Variants in DYSF observed in about 807,000 individuals in gnomAD.
DYSF encodes the protein dysferlin.
Under a neutral mutation model 274.9 loss-of-function variants are expected in DYSF, and 212 were observed. That is an observed-to-expected ratio of 0.77 (90% CI 0.69 to 0.86). DYSF has a LOEUF of 0.86. Among genes scored for constraint, DYSF ranks in the 40% least tolerant of loss-of-function variants. The pLI is 0.00. For synonymous variants in DYSF, 1,091 were observed against 1,078.7 expected (o/e 1.01, Z -0.22); for missense variants, 2,666 against 2,783.2 (o/e 0.96, Z 0.95).
At chr2:71,460,708 G>A (rs1486210778) in intron 1 of DYSF, among the ~76,000 whole-genome samples, 2 of 152,112 alleles carry the variant, frequency 1.3e-5, no homozygotes, top group Non-Finnish European at 1.5e-5. Context: ...GTGTCCAGGG[G>A]TCAGATCACC....
rs777035277 is a variant in DYSF at position 71,679,060 on chromosome 2, C to T, written c.5888C>T (p.Ser1963Phe). ...AAAAACTACCTCTCTGTTGCAGGCTCCCTGCAGCTCGATCTCAACCGCATG... is the reference window on the plus strand; with the variant it reads ...AAAAACTACCTCTCTGTTGCAGGCTTCCTGCAGCTCGATCTCAACCGCATG... ...DKFSFDDFLG[S>F]LQLDLNRMPK... The change falls in exon 53 of 56, where the codon TCC becomes TTC. Residue 1963 changes from serine (S) to phenylalanine (F), a missense_variant. By Grantham distance (155) the Ser-to-Phe change is radical (BLOSUM62 -2). This residue lies in a region of DYSF where 1,460 missense variants were observed against 1,502.1 expected (regional missense o/e 0.97). Coordinates refer to ENST00000410020, the MANE Select transcript of DYSF (RefSeq NM_001130987.2). The T allele has an allele frequency of 6.2e-7, 1 of 1,613,826 alleles. No homozygotes were observed. The highest frequency in any genetic ancestry group is 1.7e-5 in the Admixed American group (1 of 59,996).
chr2:71,536,198 C>G (rs1053766974), intron 16 of DYSF, among the ~76,000 whole-genome samples: 2 of 152,212 alleles, frequency 1.3e-5, no homozygotes, highest in African/African-American at 4.8e-5. Flanking sequence ...TTCTTTGCCC[C>G]CAAGAAGTCT....
chr2:71,656,114 A>T, intron 42 of DYSF, 48 bp from the exon 43 acceptor site: 2 of 1,611,022 alleles, frequency 1.2e-6, no homozygotes, highest in Non-Finnish European at 1.7e-6. Flanking sequence ...CTGTTGTTCT[A>T]CTTTCTTTCT....
intron 40 of DYSF, among the ~76,000 whole-genome samples, chr2:71,618,251 GGCGTGTGTGGTAGAGGT>G (rs2093965282): frequency 2.8e-5 from 1 of 35,330 alleles, no homozygotes; most frequent in African/African-American, 1.1e-4. Flanking sequence ...TGGTAGAGGT[GGCGTGTGTGGTAGAGGT>G]GTGTGTGTGT....
intron 29 of DYSF, among the ~76,000 whole-genome samples, chr2:71,571,460 A>ACACCCAGCACACACAGC (rs2092444323): frequency 1.6e-4 from 11 of 69,626 alleles, no homozygotes; most frequent in African/African-American, 2.6e-4. Context: ...ACACACACAG[A>ACACCCAGCACACACAGC]TCACACCCAG....
chr2:71,526,410 G>A, intron 13 of DYSF, 64 bp downstream of exon 13: 1 of 1,462,992 alleles, frequency 6.8e-7, no homozygotes, highest in African/African-American at 1.4e-5. Flanking sequence ...GCTGGTGGGG[G>A]TGGGCGATGG....
At chr2:71,519,761 C>T (rs1440188994) in intron 10 of DYSF, among the ~76,000 whole-genome samples, 1 of 151,142 alleles carries the variant, frequency 6.6e-6, no homozygotes, top group Non-Finnish European at 1.5e-5. Context: ...TCTCTTGCCT[C>T]AGCTTCCCAA....
chr2:71,513,126 C>G, intron 5 of DYSF, 114 bp from the exon 6 acceptor site: 1 of 983,416 alleles, frequency 1.0e-6, no homozygotes, highest in East Asian at 2.6e-5. Context: ...GAGCTTTGCA[C>G]CAGGCTGGGG....
chr2:71,673,133 C>G (rs1372588084), intron 51 of DYSF, among the ~76,000 whole-genome samples: 1 of 152,188 alleles, frequency 6.6e-6, no homozygotes, highest in African/African-American at 2.4e-5. Flanking sequence ...GCACTCAGGA[C>G]TTGGCACCCA....
chr2:71,682,647 G>C lies in DYSF; in HGVS notation c.6291G>C (p.Leu2097=). The C allele has an allele frequency of 6.2e-7, 1 of 1,614,144 alleles. No homozygotes were observed. Among genetic ancestry groups the C allele is most frequent in the Non-Finnish European group, 8.5e-7 (1 of 1,180,020 alleles). ...ILFIILFILL[L]FLAIFIYAFP... ...TCATCATCCTCTTCATCCTGCTGCT[G>C]TTCCTGGCCATCTTCATCTACGCCT... The change falls in exon 55 of 56, where the codon CTG becomes CTC. Residue 2097 remains leucine, a synonymous_variant. Coordinates refer to ENST00000410020, the MANE Select transcript of DYSF (RefSeq NM_001130987.2).
chr2:71,492,468 G>A (rs910960287), intron 3 of DYSF, among the ~76,000 whole-genome samples: 6 of 152,102 alleles, frequency 3.9e-5, no homozygotes, highest in African/African-American at 9.7e-5. Context: ...TGAGTTACTC[G>A]CAATACATAT....
At chr2:71,491,939 A>G (rs1390489429) in intron 3 of DYSF, among the ~76,000 whole-genome samples, 1 of 152,220 alleles carries the variant, frequency 6.6e-6, no homozygotes, top group African/African-American at 2.4e-5. Flanking sequence ...GGGAAAAGGC[A>G]TAGGCTTGGC....
chr2:71,680,085 A>C (rs2152968894), intron 53 of DYSF, among the ~76,000 whole-genome samples: 1 of 152,326 alleles, frequency 6.6e-6, no homozygotes, highest in South Asian at 2.1e-4. Flanking sequence ...AGGCACAGTA[A>C]GAGATTAACA....
intron 53 of DYSF, among the ~76,000 whole-genome samples, chr2:71,679,873 C>T (rs1047708097): frequency 3.3e-5 from 5 of 151,924 alleles, no homozygotes; most frequent in African/African-American, 1.2e-4. Context: ...AAATAATTAC[C>T]AATGTCTGCA....
intron 14 of DYSF, among the ~76,000 whole-genome samples, chr2:71,529,102 T>G (rs1487247666): frequency 6.6e-6 from 1 of 152,254 alleles, no homozygotes; most frequent in Non-Finnish European, 1.5e-5. Flanking sequence ...CTCTGAGCCC[T>G]GGAGGGAGTC....
chr2:71,571,523 A>G (rs1363671418), intron 29 of DYSF, among the ~76,000 whole-genome samples: 2 of 137,012 alleles, frequency 1.5e-5, no homozygotes, highest in African/African-American at 5.9e-5. Context: ...CACACAGCTC[A>G]CACCCAGCAC....
chr2:71,557,578 C>T (rs1428388667), intron 22 of DYSF, among the ~76,000 whole-genome samples: 1 of 151,462 alleles, frequency 6.6e-6, no homozygotes, highest in Non-Finnish European at 1.5e-5. Flanking sequence ...GGAGGGGAGA[C>T]TGGACATACG....
At chr2:71,543,625 G>C (rs554105340) in intron 17 of DYSF, among the ~76,000 whole-genome samples, 4 of 152,218 alleles carry the variant, frequency 2.6e-5, no homozygotes, top group Admixed American at 6.5e-5. Flanking sequence ...CTCAGGAGGC[G>C]GAGGCTGGCA....
intron 16 of DYSF, among the ~76,000 whole-genome samples, chr2:71,537,062 T>C (rs1254621884): frequency 1.3e-5 from 2 of 152,026 alleles, no homozygotes; most frequent in African/African-American, 2.4e-5. Context: ...CCTCTCCCAA[T>C]TCAGAGAAGA....
Sources: allele counts gnomAD v4.1 joint callset (sites outside exome capture counted in the v4.1 genomes callset), GRCh38; gene constraint gnomAD v4.1.1; regional missense constraint gnomAD v4.1.1; transcripts MANE v1.5; gene names NCBI Gene and HGNC (gene_info 2026-07-23, HGNC 2026-07-21).